The following NUDCD1 variants were observed in gnomAD, a reference collection of about 807,000 sequenced individuals.
NUDCD1 encodes the protein NudC domain containing 1.
NUDCD1 carries 60 observed loss-of-function variants against 67.8 expected under a neutral mutation model. That is an observed-to-expected ratio of 0.88 (90% CI 0.72 to 1.10). NUDCD1 has a LOEUF of 1.10. NUDCD1 is among the 50% of genes least tolerant of loss of function. NUDCD1 has a pLI of 0.00. For synonymous variants in NUDCD1, 244 were observed against 230.8 expected, an observed-to-expected ratio of 1.06 and a Z score of -0.52; for missense variants, 643 against 695.0, an observed-to-expected ratio of 0.93 and a Z score of 0.84.
At chr8:109,308,099 TA>T (rs1448135907) in intron 2 of NUDCD1, among the ~76,000 whole-genome samples, 8 of 152,194 alleles carry the variant, frequency 5.3e-5, no homozygotes, top group Non-Finnish European at 1.2e-4. Context: ...ACAATGGATT[TA>T]AACTATACCC....
At chr8:109,326,952 T>C (rs943809025) in intron 1 of NUDCD1, among the ~76,000 whole-genome samples, 3 of 152,214 alleles carry the variant, frequency 2.0e-5, no homozygotes, top group Admixed American at 2.0e-4. Context: ...TTGAACCACA[T>C]GATATTGCCA....
In NUDCD1 at chr8:109,329,328, A is replaced by G. The variant is rs142699852; in HGVS notation, c.118+4565T>C. Among the ~76,000 whole-genome samples the G allele has an allele frequency of 6.2e-4, 94 of 152,258 alleles. 1 individual carries two copies. Among genetic ancestry groups the G allele is most frequent in the Middle Eastern group, 3.4e-3 (1 of 294 alleles). On this transcript the variant is annotated intron_variant, in intron 1 of 9. Transcript: ENST00000239690. ...AAGAAATAATAGCCAAAATATTGCC[A>G]TTGATCTTGATAAAAACTATATGTC...
chr8:109,244,054 C>T (rs1272460856), intron 9 of NUDCD1, among the ~76,000 whole-genome samples: 1 of 151,920 alleles, frequency 6.6e-6, no homozygotes, highest in African/African-American at 2.4e-5. Context: ...ACATGGTTAG[C>T]AAATGTTAGG....
intron 8 of NUDCD1, among the ~76,000 whole-genome samples, chr8:109,265,747 G>C (rs1813978503): frequency 6.6e-6 from 1 of 152,134 alleles, no homozygotes; most frequent in African/African-American, 2.4e-5. Flanking sequence ...TCAGGCATTA[G>C]TCTCATAAGG....
chr8:109,322,097 G>A (rs1815553351), intron 2 of NUDCD1, among the ~76,000 whole-genome samples: 1 of 152,120 alleles, frequency 6.6e-6, no homozygotes, highest in Non-Finnish European at 1.5e-5. Context: ...CTGCCCAATG[G>A]TGAGAGTGGA....
intron 6 of NUDCD1, among the ~76,000 whole-genome samples, chr8:109,276,667 CTT>C (rs1023242269): frequency 6.6e-6 from 1 of 152,150 alleles, no homozygotes; most frequent in Admixed American, 6.5e-5. Context: ...TACATCTTTT[CTT>C]TTTTTGAGAC....
chr8:109,288,495 A>G (rs16879274), intron 5 of NUDCD1, among the ~76,000 whole-genome samples: 3,701 of 152,312 alleles, frequency 0.024, 140 homozygotes, highest in African/African-American at 0.084. Context: ...TCTAACAAAA[A>G]ACGAATCCCA....
Position 109,311,559 on chromosome 8 carries a change from G to GTGTGTATATATATATATATATATATA in NUDCD1, c.273+10749_273+10750insTATATATATATATATATATATACACA. On this transcript the variant is annotated intron_variant, in intron 2 of 9. Coordinates refer to ENST00000239690, the MANE Select transcript of NUDCD1 (RefSeq NM_032869.4). ...AATGAGTGGATAAAGAAACTGTGGTGTATATATATATATGATGGGATACTG... is the reference window on the plus strand; with the variant it reads ...AATGAGTGGATAAAGAAACTGTGGTGTGTGTATATATATATATATATATATATATATATATATATGATGGGATACTG... 4.0e-4 allele frequency among the ~76,000 whole-genome samples: 50 copies of GTGTGTATATATATATATATATATATA among 125,138 alleles called. 3 individuals are homozygous for GTGTGTATATATATATATATATATATA. The highest frequency in any genetic ancestry group is 1.2e-3 in the South Asian group (4 of 3,236). 82.1% of individuals were successfully genotyped at this position (125,138 alleles called of 152,430 possible). A position where few individuals can be genotyped will look rare whatever the true frequency, so the allele number is the denominator to read the frequency against.
chr8:109,298,996 G>A (rs1358061710), intron 2 of NUDCD1: 1 of 152,446 alleles, frequency 6.6e-6, no homozygotes, highest in Non-Finnish European at 1.5e-5. Flanking sequence ...CTTGGAACCT[G>A]AAGGTCTAGG....
chr8:109,296,250 G>A, intron 3 of NUDCD1, 134 bp downstream of exon 3: 2 of 723,248 alleles, frequency 2.8e-6, no homozygotes, highest in South Asian at 3.6e-5. Context: ...GTTAAAAAGA[G>A]ATCCAAAACA....
chr8:109,276,410 T>G (rs1356012847), intron 6 of NUDCD1, among the ~76,000 whole-genome samples: 1 of 152,202 alleles, frequency 6.6e-6, no homozygotes, highest in Non-Finnish European at 1.5e-5. Flanking sequence ...TTCGTACACA[T>G]GTACCATATT....
intron 8 of NUDCD1, among the ~76,000 whole-genome samples, chr8:109,270,062 G>A (rs938659274): frequency 1.5e-5 from 1 of 65,806 alleles, no homozygotes; most frequent in African/African-American, 5.6e-5. Flanking sequence ...TTGAGGTGGC[G>A]GGGGCGGGGG....
chr8:109,308,670 A>T (rs1815166643), intron 2 of NUDCD1, among the ~76,000 whole-genome samples: 1 of 151,186 alleles, frequency 6.6e-6, no homozygotes, highest in Non-Finnish European at 1.5e-5. Context: ...AATTACCAAT[A>T]AAAAAAAAGT....
rs1041150427 is a variant in NUDCD1, at chr8:109,241,788, A to G, written c.*1221T>C. 9 of 291,866 alleles carry G rather than the reference A, an allele frequency of 3.1e-5. No homozygotes were observed. The highest frequency in any genetic ancestry group is 4.4e-5 in the Non-Finnish European group (7 of 160,364). 18.1% of individuals were successfully genotyped at this position (291,866 alleles called of 1,614,324 possible). On this transcript the variant is annotated 3_prime_UTR_variant, in exon 10 of 10. Transcript: ENST00000239690. ...GATATGTTAGGAACAAAGCTTTTCT[A>G]TCTTATATTTCTTATCTTAATCTTC...
chr8:109,298,979 A>G (rs1814912396), intron 2 of NUDCD1: 2 of 151,970 alleles, frequency 1.3e-5, no homozygotes, highest in African/African-American at 4.8e-5. Context: ...TCAAACACAC[A>G]CCCCCACTTG....
intron 5 of NUDCD1, among the ~76,000 whole-genome samples, chr8:109,282,135 C>A (rs550172409): frequency 6.6e-6 from 1 of 152,176 alleles, no homozygotes; most frequent in South Asian, 2.1e-4. Context: ...ACTGGGGGAT[C>A]TGTAGGCAGA....
intron 8 of NUDCD1, among the ~76,000 whole-genome samples, chr8:109,269,675 C>G: frequency 6.6e-6 from 1 of 152,036 alleles, no homozygotes. Context: ...ACCTTTGAAA[C>G]CTGTATCAAA....
chr8:109,270,082 G>T (rs1814106585), intron 8 of NUDCD1, among the ~76,000 whole-genome samples: 1 of 38,440 alleles, frequency 2.6e-5, no homozygotes, highest in African/African-American at 1.4e-4. Context: ...GGGGGGGGGG[G>T]TGCCTTAAGG....
At chr8:109,257,853 T>A (rs1813774060) in intron 8 of NUDCD1, among the ~76,000 whole-genome samples, 1 of 152,110 alleles carries the variant, frequency 6.6e-6, no homozygotes, top group Non-Finnish European at 1.5e-5. Context: ...ATGACTGAGT[T>A]CTAATAAAAC....
Sources: gnomAD v4.1 joint callset for allele counts (sites outside exome capture counted in the v4.1 genomes callset) on GRCh38, gnomAD v4.1.1 for gene constraint, MANE v1.5 for transcripts, NCBI Gene and HGNC (gene_info 2026-07-23, HGNC 2026-07-21) for gene names.